CREB5: variants seen among roughly 807,000 people sequenced by gnomAD.
CREB5 encodes the protein cyclic AMP-responsive element-binding protein 5.
A neutral mutation model predicts 57.1 loss-of-function variants in CREB5; 19 were observed. That is an observed-to-expected ratio of 0.33 (90% confidence interval 0.23 to 0.49). The LOEUF is 0.49. Ranked by LOEUF, CREB5 falls within the 20% of genes least tolerant of loss-of-function variation. The pLI, the probability that CREB5 is intolerant of heterozygous loss-of-function variation, is 0.99. For synonymous variants in CREB5, 238 were observed against 238.3 expected, an observed-to-expected ratio of 1.00 and a Z score of 0.01; for missense variants, 579 against 671.6, an observed-to-expected ratio of 0.86 and a Z score of 1.52.
intron 5 of CREB5, among the ~76,000 whole-genome samples, chr7:28,713,323 A>G (rs1802506204): frequency 6.6e-6 from 1 of 152,242 alleles, no homozygotes; most frequent in Non-Finnish European, 1.5e-5. Context: ...ACCTGACCAG[A>G]AGCACCATGT....
intron 3 of CREB5, among the ~76,000 whole-genome samples, chr7:28,500,842 G>A (rs569577340): frequency 1.3e-4 from 20 of 152,112 alleles, no homozygotes; most frequent in Non-Finnish European, 2.4e-4. Flanking sequence ...ACACACACAC[G>A]TGACCCATAC....
At position 28,345,409 on chromosome 7, in the gene CREB5, A is replaced by C. The variant is rs145324401; in HGVS notation, c.-25+45968A>C. Among the ~76,000 whole-genome samples, 696 of 152,306 alleles carry C rather than the reference A, an allele frequency of 4.6e-3. 6 individuals carry two copies. Among genetic ancestry groups the C allele is most frequent in the Non-Finnish European group, 6.7e-3 (453 of 68,038 alleles). ...TGATATGAAACTAGAAATCAATATC[A>C]GTTGTTACTTTTGAGATCCCACTGA... On this transcript the variant is annotated intron_variant, in intron 1 of 9. Coordinates refer to the CREB5 transcript ENST00000396299.
chr7:28,620,973 A>G (rs944822264), intron 5 of CREB5, among the ~76,000 whole-genome samples: 1 of 152,174 alleles, frequency 6.6e-6, no homozygotes, highest in East Asian at 1.9e-4. Context: ...TTGGAATTGA[A>G]TGCTAATCCA....
intron 1 of CREB5, among the ~76,000 whole-genome samples, chr7:28,469,161 C>T (rs1165565527): frequency 6.6e-6 from 1 of 152,158 alleles, no homozygotes; most frequent in Non-Finnish European, 1.5e-5. Context: ...TTCGAGGCTG[C>T]AATGAGCCGT....
intron 3 of CREB5, among the ~76,000 whole-genome samples, chr7:28,496,111 A>C (rs542381212): frequency 6.6e-6 from 1 of 152,328 alleles, no homozygotes. Context: ...GTGTCTGCCA[A>C]GCCTGTTTCA....
chr7:28,667,230 T>A (rs1583508317), intron 5 of CREB5, among the ~76,000 whole-genome samples: 1 of 151,356 alleles, frequency 6.6e-6, no homozygotes, highest in African/African-American at 2.4e-5. Flanking sequence ...GGAATGTCAA[T>A]CAGAATTATC....
intron 1 of CREB5, among the ~76,000 whole-genome samples, chr7:28,442,113 T>TC (rs1338141141): frequency 6.6e-6 from 1 of 152,118 alleles, no homozygotes; most frequent in Non-Finnish European, 1.5e-5. Flanking sequence ...CCTCTAATAC[T>TC]CACAATTCTA....
chr7:28,437,111 G>T (rs1284613563), intron 1 of CREB5, among the ~76,000 whole-genome samples: 4 of 152,156 alleles, frequency 2.6e-5, no homozygotes, highest in Admixed American at 6.5e-5. Context: ...CCAACCGGCA[G>T]TGACAGAGAT....
chr7:28,807,133 CAACA>C (rs1324372815), intron 8 of CREB5, among the ~76,000 whole-genome samples: 1 of 152,102 alleles, frequency 6.6e-6, no homozygotes, highest in Admixed American at 6.5e-5. Context: ...AAAGAGTCAC[CAACA>C]AACAAACAGT....
chr7:28,598,444 G>A (rs563148608), intron 5 of CREB5, among the ~76,000 whole-genome samples: 1 of 152,306 alleles, frequency 6.6e-6, no homozygotes, highest in African/African-American at 2.4e-5. Context: ...GGTCTTTTGT[G>A]TGTGGTGGGG....
upstream of CREB5, chr7:28,410,159 GCGCCCGGGGAGGGGAGGT>G: frequency 2.5e-6 from 1 of 406,772 alleles, no homozygotes; most frequent in South Asian, 1.8e-5. Context: ...GGGTGGGCGC[GCGCCCGGGGAGGGGAGGT>G]CGCCCTCGGA....
intron 5 of CREB5, among the ~76,000 whole-genome samples, chr7:28,660,617 T>A (rs946111030): frequency 8.5e-5 from 13 of 152,160 alleles, no homozygotes; most frequent in Non-Finnish European, 1.6e-4. Context: ...TATTAATAAC[T>A]GAGAAGTCCT....
chr7:28,481,112 A>G (rs532270064), intron 1 of CREB5, among the ~76,000 whole-genome samples: 3 of 152,134 alleles, frequency 2.0e-5, no homozygotes, highest in Admixed American at 6.5e-5. Flanking sequence ...AGCCCCCAGC[A>G]CTCTCTCCTG....
At chr7:28,718,452 G>T (rs1262393011) in intron 5 of CREB5, among the ~76,000 whole-genome samples, 1 of 152,308 alleles carries the variant, frequency 6.6e-6, no homozygotes, top group Middle Eastern at 3.4e-3. Flanking sequence ...TCACCACCAA[G>T]TTCCTTTCCT....
intron 1 of CREB5, among the ~76,000 whole-genome samples, chr7:28,349,876 T>G (rs1357524263): frequency 6.6e-6 from 1 of 152,252 alleles, no homozygotes; most frequent in African/African-American, 2.4e-5. Flanking sequence ...TAGCTGTGAG[T>G]TTTGCTTCCT....
At chr7:28,399,539 G>T (rs535110683) in intron 1 of CREB5, among the ~76,000 whole-genome samples, 23 of 151,810 alleles carry the variant, frequency 1.5e-4, no homozygotes, top group Admixed American at 5.3e-4. Flanking sequence ...AATGGAGAAA[G>T]AATATCCTAT....
At position 28,718,173 on chromosome 7, in the gene CREB5, G is replaced by C. The variant is rs572752552; in HGVS notation, c.465-580G>C. 1.9e-4 allele frequency among the ~76,000 whole-genome samples: 29 copies of C among 152,358 alleles called. 1 individual carries two copies. In the South Asian group the frequency reaches 6.0e-3, roughly 32 times the overall value. On this transcript the variant is annotated intron_variant, in intron 5 of 10. Coordinates refer to ENST00000357727, the MANE Select transcript of CREB5 (RefSeq NM_182898.4). Reference sequence around the variant, plus strand: ...AGGCTCCGGACTTGCTCTGAGAAAGGCCAGCTGTGCTGCCGCACCAGGATC... The same window carrying C: ...AGGCTCCGGACTTGCTCTGAGAAAGCCCAGCTGTGCTGCCGCACCAGGATC...
intron 5 of CREB5, among the ~76,000 whole-genome samples, chr7:28,583,942 T>A (rs1018967329): frequency 6.6e-6 from 1 of 152,084 alleles, no homozygotes; most frequent in Non-Finnish European, 1.5e-5. Context: ...CCTCCCGAAG[T>A]GCTGGGATTA....
chr7:28,663,118 C>G (rs904981361), intron 5 of CREB5, among the ~76,000 whole-genome samples: 1 of 146,602 alleles, frequency 6.8e-6, no homozygotes, highest in African/African-American at 2.5e-5. Flanking sequence ...GCACTCCAGC[C>G]TGGGTGACAG....
Sources: allele counts gnomAD v4.1 joint callset (sites outside exome capture counted in the v4.1 genomes callset), GRCh38; gene constraint gnomAD v4.1.1; transcripts MANE v1.5; gene names NCBI Gene and HGNC (gene_info 2026-07-23, HGNC 2026-07-21).